PTPRD: variants seen among roughly 807,000 people sequenced by gnomAD.
The protein encoded by PTPRD is receptor-type tyrosine-protein phosphatase delta.
A neutral mutation model predicts 214.5 loss-of-function variants in PTPRD; 34 were observed. That is an observed-to-expected ratio of 0.16 (90% CI 0.12 to 0.21). The LOEUF (loss-of-function observed/expected upper bound fraction) is 0.21. Among genes scored for constraint, PTPRD ranks in the 10% least tolerant of loss-of-function variants. The pLI, the probability that PTPRD is intolerant of heterozygous loss-of-function variation, is 1.00. For synonymous variants in PTPRD, 1,128 were observed against 845.7 expected (o/e 1.33, Z -5.79); for missense variants, 2,545 against 2,398.7 (o/e 1.06, Z -1.27).
chr9:8,681,709 T>G (rs1323249589), intron 12 of PTPRD, among the ~76,000 whole-genome samples: 1 of 152,192 alleles, frequency 6.6e-6, no homozygotes, highest in Non-Finnish European at 1.5e-5. Context: ...GATACCCCAC[T>G]GCAAACATTC....
At chr9:8,688,436 G>C (rs559638250) in intron 12 of PTPRD, among the ~76,000 whole-genome samples, 16 of 151,968 alleles carry the variant, frequency 1.1e-4, no homozygotes, top group Non-Finnish European at 2.1e-4. Context: ...GTGGTGGTGG[G>C]CGCCTGTAGT....
intron 35 of PTPRD, among the ~76,000 whole-genome samples, chr9:8,424,406 T>A (rs985010396): frequency 1.3e-5 from 2 of 152,160 alleles, no homozygotes; most frequent in Non-Finnish European, 2.9e-5. Context: ...TACTTAACTT[T>A]CATGTGGTTC....
intron 7 of PTPRD, among the ~76,000 whole-genome samples, chr9:9,722,860 T>C (rs1464402178): frequency 6.6e-6 from 1 of 152,130 alleles, no homozygotes; most frequent in Non-Finnish European, 1.5e-5. Flanking sequence ...GAGAGATTTC[T>C]ATGCAAGTCA....
At chr9:9,907,224 T>C (rs1216723392) in intron 5 of PTPRD, among the ~76,000 whole-genome samples, 1 of 151,960 alleles carries the variant, frequency 6.6e-6, no homozygotes, top group Non-Finnish European at 1.5e-5. Flanking sequence ...GTCATATACA[T>C]GATGATTATC....
Position 9,364,701 on chromosome 9 carries a change from G to A in PTPRD, c.-203+32748C>T, listed in dbSNP as rs1259034927. Among the ~76,000 whole-genome samples, 4 of 151,396 alleles carry A rather than the reference G, an allele frequency of 2.6e-5. No individual in the cohort carries two copies. The Admixed American group carries it at 2.6e-4, about 10-fold the overall frequency. On this transcript the variant is annotated intron_variant, in intron 9 of 45. Coordinates refer to ENST00000381196, the MANE Select transcript of PTPRD (RefSeq NM_002839.4). Reference sequence around the variant, plus strand: ...CAGTGAGGAAGGAAAAACGAGCAAGGAAAGGTCCCATTTATATAAAGACCT... The same window carrying A: ...CAGTGAGGAAGGAAAAACGAGCAAGAAAAGGTCCCATTTATATAAAGACCT...
At chr9:8,729,461 T>G (rs2154430993) in intron 12 of PTPRD, among the ~76,000 whole-genome samples, 1 of 152,136 alleles carries the variant, frequency 6.6e-6, no homozygotes, top group South Asian at 2.1e-4. Flanking sequence ...AAAAAAAAAT[T>G]AGCACAGTGC....
intron 2 of PTPRD, among the ~76,000 whole-genome samples, chr9:10,387,552 T>C (rs918346776): frequency 1.3e-5 from 2 of 151,730 alleles, no homozygotes; most frequent in Non-Finnish European, 2.9e-5. Flanking sequence ...CCCTGGGAAA[T>C]TACATTGTGG....
chr9:8,484,498 A>G, intron 29 of PTPRD, 120 bp from the exon 30 acceptor site: 1 of 1,026,266 alleles, frequency 9.7e-7, no homozygotes, highest in Non-Finnish European at 1.4e-6. Flanking sequence ...ATTTTAGGTG[A>G]TTTCTAAGTC....
At chr9:9,310,249 C>T (rs1958518857) in intron 9 of PTPRD, among the ~76,000 whole-genome samples, 1 of 152,010 alleles carries the variant, frequency 6.6e-6, no homozygotes, top group African/African-American at 2.4e-5. Context: ...AATGAAGAAG[C>T]ATATTAGCAT....
chr9:9,489,219 C>G (rs944521905), intron 8 of PTPRD, among the ~76,000 whole-genome samples: 1 of 152,148 alleles, frequency 6.6e-6, no homozygotes, highest in Non-Finnish European at 1.5e-5. Context: ...ACACCTGCAA[C>G]TGATCCTTGG....
At chr9:8,887,432 C>T (rs1011361945) in intron 11 of PTPRD, among the ~76,000 whole-genome samples, 4 of 152,186 alleles carry the variant, frequency 2.6e-5, no homozygotes, top group African/African-American at 4.8e-5. Context: ...ATGATTCAGT[C>T]ACTGGGTGAG....
intron 9 of PTPRD, among the ~76,000 whole-genome samples, chr9:9,275,637 G>C (rs2133219244): frequency 6.6e-6 from 1 of 151,266 alleles, no homozygotes; most frequent in East Asian, 2.0e-4. Flanking sequence ...CCTAAGACAA[G>C]GGCTGCTGCC....
intron 11 of PTPRD, among the ~76,000 whole-genome samples, chr9:8,834,343 T>G (rs1221320450): frequency 6.6e-6 from 1 of 152,162 alleles, no homozygotes; most frequent in Non-Finnish European, 1.5e-5. Context: ...TGTAAAAATC[T>G]GATGATTCAC....
intron 11 of PTPRD, among the ~76,000 whole-genome samples, chr9:8,790,150 G>A (rs1420073106): frequency 6.6e-6 from 1 of 151,890 alleles, no homozygotes; most frequent in Admixed American, 6.6e-5. Flanking sequence ...CTGAATAGCT[G>A]GGACTACAGG....
chr9:10,032,691 TTAGTGTCAAA>T (rs2097105462), intron 4 of PTPRD, among the ~76,000 whole-genome samples: 1 of 152,170 alleles, frequency 6.6e-6, no homozygotes, highest in Non-Finnish European at 1.5e-5. Flanking sequence ...GAAGAATCAT[TTAGTGTCAAA>T]TAGAACTTCT....
intron 14 of PTPRD, among the ~76,000 whole-genome samples, chr9:8,611,926 T>TGAAAA (rs149119715): frequency 0.088 from 8,430 of 96,196 alleles, 616 homozygotes; most frequent in Middle Eastern, 0.22. Flanking sequence ...CAAGACCTTG[T>TGAAAA]GAAAAGAAAA....
At chr9:9,551,637 C>T (rs1310153801) in intron 8 of PTPRD, among the ~76,000 whole-genome samples, 5 of 151,922 alleles carry the variant, frequency 3.3e-5, no homozygotes, top group Non-Finnish European at 7.4e-5. Flanking sequence ...ATCCTTTGTT[C>T]TTCTTTCATC....
chr9:10,539,423 G>GT (rs2058603917), intron 2 of PTPRD, among the ~76,000 whole-genome samples: 1 of 152,194 alleles, frequency 6.6e-6, no homozygotes, highest in Non-Finnish European at 1.5e-5. Flanking sequence ...GACCTAAGGT[G>GT]ATCTGCCTGC....
In PTPRD at chr9:8,624,868, C is replaced by T. The variant is rs148704006; in HGVS notation, c.352+8449G>A. Reference sequence around the variant, plus strand: ...GCCTCGACTTCTTGACTCTCAATCACGCTCTTCATCTTGCAGAGGCCACTG... The same window carrying T: ...GCCTCGACTTCTTGACTCTCAATCATGCTCTTCATCTTGCAGAGGCCACTG... On this transcript the variant is annotated intron_variant, in intron 14 of 45. Transcript: ENST00000381196. 3.2e-3 allele frequency among the ~76,000 whole-genome samples: 493 copies of T among 151,920 alleles called. 3 individuals are homozygous for T. Among genetic ancestry groups the T allele is most frequent in the African/African-American group, 0.011 (464 of 41,500 alleles).
Sources: allele counts gnomAD v4.1 joint callset (sites outside exome capture counted in the v4.1 genomes callset), GRCh38; gene constraint gnomAD v4.1.1; transcripts MANE v1.5; gene names NCBI Gene and HGNC (gene_info 2026-07-23, HGNC 2026-07-21).